MOXD1: variants seen among roughly 807,000 people sequenced by gnomAD.
MOXD1 encodes the protein DBH-like monooxygenase protein 1.
MOXD1 carries 62 observed loss-of-function variants against 66.6 expected under a neutral mutation model. That is an observed-to-expected ratio of 0.93 (90% CI 0.76 to 1.15). The LOEUF is 1.15. Ranked by LOEUF, MOXD1 falls within the 50% of genes most tolerant of loss-of-function variation. The pLI is 0.00. For synonymous variants in MOXD1, 303 were observed against 281.9 expected, an observed-to-expected ratio of 1.07 and a Z score of -0.75; for missense variants, 847 against 754.6, an observed-to-expected ratio of 1.12 and a Z score of -1.44.
intron 1 of MOXD1, among the ~76,000 whole-genome samples, chr6:132,379,774 T>C (rs1582604790): frequency 1.3e-5 from 2 of 152,222 alleles, no homozygotes; most frequent in East Asian, 3.8e-4. Context: ...ATTTCTTTAA[T>C]TACACTACTA....
chr6:132,355,777 C>T (rs1426487405), intron 4 of MOXD1, among the ~76,000 whole-genome samples: 1 of 152,184 alleles, frequency 6.6e-6, no homozygotes, highest in Non-Finnish European at 1.5e-5. Flanking sequence ...GACTTGTAAA[C>T]TATAACATGT....
At chr6:132,346,534 A>G (rs1317160975) in intron 4 of MOXD1, among the ~76,000 whole-genome samples, 2 of 152,206 alleles carry the variant, frequency 1.3e-5, no homozygotes, top group Non-Finnish European at 2.9e-5. Flanking sequence ...ATATTGCTTC[A>G]TGCAGAATTC....
Position 132,401,471 on chromosome 6 carries a change from G to A in MOXD1, c.-45C>T. 7.0e-7 allele frequency: 1 copy of A among 1,434,758 alleles called. No homozygotes were observed. The allele number at this position is 1,434,758 out of a possible 1,614,324, so 88.9% of individuals were successfully genotyped here. ...GCCGGTACCGGCCTCCAGCCGCTGG[G>A]GAGTGAGGAGCAGAACGAGGAGCGG... On this transcript the variant is annotated 5_prime_UTR_variant, in exon 1 of 12. Transcript: ENST00000367963.
intron 1 of MOXD1, among the ~76,000 whole-genome samples, chr6:132,397,356 C>A (rs1017309826): frequency 1.3e-5 from 2 of 152,226 alleles, no homozygotes; most frequent in African/African-American, 4.8e-5. Flanking sequence ...CAATACTGGA[C>A]CCATTTCCTG....
intron 4 of MOXD1, among the ~76,000 whole-genome samples, chr6:132,354,355 A>G (rs749388382): frequency 6.6e-6 from 1 of 152,144 alleles, no homozygotes; most frequent in Non-Finnish European, 1.5e-5. Context: ...TTCCCTTAAT[A>G]TAGTACTCTC....
intron 4 of MOXD1, among the ~76,000 whole-genome samples, chr6:132,346,372 T>C (rs1289525653): frequency 1.3e-5 from 2 of 152,318 alleles, no homozygotes; most frequent in African/African-American, 4.8e-5. Flanking sequence ...TAGCACTTAT[T>C]CATCATAATT....
chr6:132,303,825 GTGTGTGTGTGTATATATATATA>G (rs1774614840), intron 10 of MOXD1, among the ~76,000 whole-genome samples: 15 of 96,834 alleles, frequency 1.5e-4, no homozygotes, highest in East Asian at 8.7e-4. Flanking sequence ...GTGTGTGTGT[GTGTGTGTGTGTATATATATATA>G]TATATATATA....
chr6:132,299,706 A>G (rs1569520), intron 10 of MOXD1, among the ~76,000 whole-genome samples: 77,519 of 151,932 alleles, frequency 0.51, 23,506 homozygotes, highest in African/African-American at 0.84. Context: ...AAGTGCTGGC[A>G]TGTCACAAAA....
chr6:132,318,685 C>T (rs568333235), intron 9 of MOXD1, among the ~76,000 whole-genome samples: 64 of 152,072 alleles, frequency 4.2e-4, no homozygotes, highest in African/African-American at 1.5e-3. Context: ...ATTTGTTAAT[C>T]TTTAATTTAC....
chr6:132,366,496 C>CA (rs1445125139), intron 4 of MOXD1, among the ~76,000 whole-genome samples: 1 of 148,302 alleles, frequency 6.7e-6, no homozygotes, highest in Non-Finnish European at 1.5e-5. Flanking sequence ...CTGTTTCCAT[C>CA]GGGGGAAAAA....
chr6:132,299,789 C>T (rs1221333488), intron 10 of MOXD1, among the ~76,000 whole-genome samples: 1 of 151,960 alleles, frequency 6.6e-6, no homozygotes, highest in Non-Finnish European at 1.5e-5. Flanking sequence ...CATAACATCC[C>T]AAGATGTTAC....
At chr6:132,375,077 G>A in intron 1 of MOXD1, 3 of 499,516 alleles carry the variant, frequency 6.0e-6, no homozygotes, top group Middle Eastern at 5.1e-4. Context: ...ATTAAAAGAG[G>A]GACTATAGCA....
At chr6:132,343,786 A>T (rs1775612833) in intron 4 of MOXD1, among the ~76,000 whole-genome samples, 1 of 152,174 alleles carries the variant, frequency 6.6e-6, no homozygotes, top group African/African-American at 2.4e-5. Flanking sequence ...AACCGGAAAT[A>T]ATTTAATATT....
intron 4 of MOXD1, among the ~76,000 whole-genome samples, chr6:132,334,285 T>C (rs748279706): frequency 2.0e-5 from 3 of 152,236 alleles, no homozygotes; most frequent in Admixed American, 6.5e-5. Flanking sequence ...CCACTTCAGC[T>C]ACTGAATCCC....
In MOXD1 at chr6:132,328,522, AGTT is replaced by A; in HGVS notation, c.733_735del (p.Asn245del). 6.2e-7 allele frequency: 1 copy of A among 1,614,140 alleles called. No individual in the cohort carries two copies. Among genetic ancestry groups the A allele is most frequent in the Admixed American group, 1.7e-5 (1 of 60,026 alleles). On this transcript the variant is annotated inframe_deletion, in exon 5 of 12. Coordinates refer to ENST00000367963, the MANE Select transcript of MOXD1 (RefSeq NM_015529.4). ...CCGGACTCCAGAACGCTGTCGTTAA[AGTT>A]GTTGCTGCACTGATAGAGCAGGATG...
At chr6:132,370,846 A>G (rs1346530884) in intron 4 of MOXD1, among the ~76,000 whole-genome samples, 1 of 152,156 alleles carries the variant, frequency 6.6e-6, no homozygotes, top group African/African-American at 2.4e-5. Context: ...TTCTTATAGG[A>G]AAGTTTATCT....
chr6:132,306,470 C>T (rs1329810200), intron 10 of MOXD1, among the ~76,000 whole-genome samples: 2 of 152,070 alleles, frequency 1.3e-5, no homozygotes, highest in Non-Finnish European at 2.9e-5. Flanking sequence ...ACTTCCCCAA[C>T]CTAAAAGACA....
chr6:132,315,690 C>G lies in MOXD1; in HGVS notation c.1453G>C (p.Asp485His), dbSNP rs1316200277. The change falls in exon 10 of 12, where the codon GAC becomes CAC. Residue 485 changes from aspartate to histidine, a missense_variant. Transcript: ENST00000367963. ...INLTRCASIP[D>H]IMEQLQFIGV... ...ATGAACTGAAGTTGTTCCATAATGTCTGGAATACTTGCACATCGAGTAAGA... is the reference window on the plus strand; with the variant it reads ...ATGAACTGAAGTTGTTCCATAATGTGTGGAATACTTGCACATCGAGTAAGA... 5.0e-6 allele frequency: 8 copies of G among 1,613,356 alleles called. No individual in the cohort carries two copies.
chr6:132,301,799 G>A (rs180932591), intron 10 of MOXD1, among the ~76,000 whole-genome samples: 1 of 151,966 alleles, frequency 6.6e-6, no homozygotes, highest in African/African-American at 2.4e-5. Flanking sequence ...CTCAAAATTC[G>A]ACAAACCATA....
Sources: gnomAD v4.1 joint callset for allele counts (sites outside exome capture counted in the v4.1 genomes callset) on GRCh38, gnomAD v4.1.1 for gene constraint, MANE v1.5 for transcripts, NCBI Gene and HGNC (gene_info 2026-07-23, HGNC 2026-07-21) for gene names.